The following GRIK4 variants were observed in gnomAD, a reference collection of about 807,000 sequenced individuals.
GRIK4 encodes glutamate receptor ionotropic, kainate 4.
Under a neutral mutation model 104.9 loss-of-function variants are expected in GRIK4, and 40 were observed. The ratio of observed to expected loss-of-function variants is 0.38; its 90% CI spans 0.30 to 0.50. The LOEUF is 0.50. GRIK4 is among the 20% of genes least tolerant of loss of function. The pLI is 0.93. For synonymous variants in GRIK4, 485 were observed against 524.9 expected, an observed-to-expected ratio of 0.92 and a Z score of 1.04; for missense variants, 1,047 against 1,308.1, an observed-to-expected ratio of 0.80 and a Z score of 3.08.
At chr11:120,981,792 T>C (rs1162864373) in intron 19 of GRIK4, among the ~76,000 whole-genome samples, 5 of 152,198 alleles carry the variant, frequency 3.3e-5, no homozygotes, top group Non-Finnish European at 7.3e-5. Context: ...TGTCAAGAGT[T>C]TGCCCGAGCC....
chr11:120,637,363 C>T (rs1216463890), intron 1 of GRIK4, among the ~76,000 whole-genome samples: 1 of 152,062 alleles, frequency 6.6e-6, no homozygotes, highest in Non-Finnish European at 1.5e-5. Context: ...TTTTTTTCCC[C>T]CCTGGCACTT....
chr11:120,808,488 G>T (rs1027974052), intron 4 of GRIK4, among the ~76,000 whole-genome samples: 4 of 152,194 alleles, frequency 2.6e-5, no homozygotes, highest in Non-Finnish European at 5.9e-5. Context: ...TTGGGACCAG[G>T]TGAAGGCTTT....
chr11:120,650,972 A>G (rs1949610820), intron 1 of GRIK4, among the ~76,000 whole-genome samples: 1 of 152,182 alleles, frequency 6.6e-6, no homozygotes, highest in South Asian at 2.1e-4. Flanking sequence ...AGGTTATGTG[A>G]TGGGTCCAAG....
intron 1 of GRIK4, among the ~76,000 whole-genome samples, chr11:120,633,945 A>G (rs1367063480): frequency 2.0e-5 from 3 of 152,106 alleles, no homozygotes; most frequent in African/African-American, 7.2e-5. Flanking sequence ...GGGGTGGGAG[A>G]AGGGCTCTTG....
chr11:120,695,315 C>T (rs540649790), intron 3 of GRIK4, among the ~76,000 whole-genome samples: 1 of 152,366 alleles, frequency 6.6e-6, no homozygotes, highest in East Asian at 1.9e-4. Flanking sequence ...TGGCATTGGG[C>T]AGCTCTCCCA....
intron 1 of GRIK4, chr11:120,620,322 C>A: frequency 1.6e-6 from 1 of 642,146 alleles, no homozygotes. Flanking sequence ...AGTAGTTTCC[C>A]AGAGTTCTTT....
At chr11:120,731,699 T>G (rs1424678287) in intron 3 of GRIK4, among the ~76,000 whole-genome samples, 2 of 152,214 alleles carry the variant, frequency 1.3e-5, no homozygotes, top group Non-Finnish European at 2.9e-5. Flanking sequence ...CCCAGGATTT[T>G]CTTTACTGGG....
intron 4 of GRIK4, among the ~76,000 whole-genome samples, chr11:120,809,654 A>C (rs1952787241): frequency 6.6e-6 from 1 of 152,222 alleles, no homozygotes; most frequent in African/African-American, 2.4e-5. Flanking sequence ...AAGGCCATTT[A>C]TGATCCAGTG....
chr11:120,759,676 CA>C (rs1309999643), intron 3 of GRIK4, among the ~76,000 whole-genome samples: 1 of 152,130 alleles, frequency 6.6e-6, no homozygotes, highest in Non-Finnish European at 1.5e-5. Context: ...CAAAGCAAAA[CA>C]AAACAAACCA....
At chr11:120,518,367 C>T (rs914960051) in intron 1 of GRIK4, among the ~76,000 whole-genome samples, 1 of 152,112 alleles carries the variant, frequency 6.6e-6, no homozygotes. Flanking sequence ...CTCTCCTAGC[C>T]CAGTCCGGTT....
At position 120,553,639 on chromosome 11, in the gene GRIK4, G is replaced by A. The variant is rs544104588; in HGVS notation, c.-159+41752G>A. On this transcript the variant is annotated intron_variant, in intron 1 of 20. Coordinates refer to ENST00000527524, the MANE Select transcript of GRIK4 (RefSeq NM_014619.5). ...AACTCAGGGGTTATATTTGGAACTC[G>A]CAAACTGCACTTGGCCTCCTCAGGG... Among the ~76,000 whole-genome samples the A allele has an allele frequency of 1.4e-4, 22 of 152,292 alleles. No individual in the cohort carries two copies. The South Asian group carries it at 4.6e-3, about 32-fold the overall frequency.
At position 120,513,292 on chromosome 11, in the gene GRIK4, C is replaced by T. The variant is rs151033555; in HGVS notation, c.-159+1405C>T. On this transcript the variant is annotated intron_variant, in intron 1 of 20. Transcript: ENST00000527524. This position sits in a 1 kb window ranked among gnomAD's most constrained non-coding sequence, Gnocchi z 4.5. Reference sequence around the variant, plus strand: ...TTGGTAGTGACACTTCTAGGAGCACCGGGAAACTGCGGGCGTGGTATCTCC... The same window carrying T: ...TTGGTAGTGACACTTCTAGGAGCACTGGGAAACTGCGGGCGTGGTATCTCC... Among the ~76,000 whole-genome samples the T allele has an allele frequency of 4.9e-3, 753 of 152,244 alleles. 8 individuals are homozygous for T. The highest frequency in any genetic ancestry group is 0.016 in the African/African-American group (655 of 41,538).
In GRIK4 at chr11:120,940,421, C is replaced by T. The variant is rs1413504625; in HGVS notation, c.1551C>T (p.Phe517=). 6.2e-7 allele frequency: 1 copy of T among 1,612,444 alleles called. No homozygotes were observed. Among genetic ancestry groups the T allele is most frequent in the Non-Finnish European group, 8.5e-7 (1 of 1,178,466 alleles). ...REKVIDFSKP[F]MTLGISILYR... ...AGGTGATTGATTTCTCTAAGCCATTCATGACTCTGGGAATTAGCATTCTTT... is the reference window on the plus strand; with the variant it reads ...AGGTGATTGATTTCTCTAAGCCATTTATGACTCTGGGAATTAGCATTCTTT... The change falls in exon 14 of 21, where the codon TTC becomes TTT. Residue 517 remains phenylalanine, a synonymous_variant. Transcript: ENST00000527524. This position sits in a 1 kb window ranked among gnomAD's most constrained non-coding sequence, Gnocchi z 4.3.
rs181295883 is a variant in GRIK4, at chr11:120,807,980, G to A, written c.247+5123G>A. On this transcript the variant is annotated intron_variant, in intron 4 of 20. Transcript: ENST00000527524. ...AGGTCAGAACTAGGAGGTAGGCAGA[G>A]CAGGCTATGGGGTCAGGTGAGGCCC... Among the ~76,000 whole-genome samples, 3 of 152,358 alleles carry A rather than the reference G, an allele frequency of 2.0e-5. No homozygotes were observed. The East Asian group carries it at 5.8e-4, about 29-fold the overall frequency.
chr11:120,800,195 A>G (rs543012798), intron 3 of GRIK4, among the ~76,000 whole-genome samples: 2 of 151,494 alleles, frequency 1.3e-5, no homozygotes, highest in African/African-American at 2.4e-5. Flanking sequence ...TCCCACATCA[A>G]CTCTTAGGTG....
intron 3 of GRIK4, among the ~76,000 whole-genome samples, chr11:120,718,565 G>A (rs1262752507): frequency 6.6e-6 from 1 of 152,218 alleles, no homozygotes; most frequent in Middle Eastern, 3.2e-3. Context: ...GTACAGCCTT[G>A]CCCCGGCATG....
At chr11:120,863,183 C>T (rs909987748) in intron 9 of GRIK4, among the ~76,000 whole-genome samples, 7 of 152,188 alleles carry the variant, frequency 4.6e-5, no homozygotes, top group African/African-American at 1.7e-4. Context: ...TGCGTAATGA[C>T]ATTTTGGTCA....
At chr11:120,602,476 C>T (rs1948900477) in intron 1 of GRIK4, among the ~76,000 whole-genome samples, 1 of 152,108 alleles carries the variant, frequency 6.6e-6, no homozygotes. Context: ...CTAGAAATTC[C>T]CTCAGGCTCA....
chr11:120,945,692 G>A (rs912930790), intron 14 of GRIK4, among the ~76,000 whole-genome samples: 3 of 152,190 alleles, frequency 2.0e-5, no homozygotes, highest in East Asian at 3.9e-4. Context: ...TAGGTCTTGA[G>A]AACAAACAGA....
Sources: gnomAD v4.1 joint callset for allele counts (sites outside exome capture counted in the v4.1 genomes callset) on GRCh38, gnomAD v4.1.1 for gene constraint, Gnocchi (gnomAD v3.1) non-coding constraint, MANE v1.5 for transcripts, NCBI Gene and HGNC (gene_info 2026-07-23, HGNC 2026-07-21) for gene names.